The following FOCAD variants were observed in gnomAD, a reference collection of about 807,000 sequenced individuals.
FOCAD encodes the protein KIAA1797.
In FOCAD, 198 loss-of-function variants were observed where a neutral mutation model predicts 225.6. That is an observed-to-expected ratio of 0.88 (90% CI 0.78 to 0.99). FOCAD has a LOEUF of 0.99. Among genes scored for constraint, FOCAD ranks in the 50% least tolerant of loss-of-function variants. The pLI, the probability that FOCAD is intolerant of heterozygous loss-of-function variation, is 0.00. For synonymous variants in FOCAD, 897 were observed against 755.0 expected (o/e 1.19, Z -3.08); for missense variants, 2,713 against 2,123.6 (o/e 1.28, Z -5.46).
chr9:20,758,305 A>T (rs1292704208), intron 6 of FOCAD, 114 bp downstream of exon 6: 1 of 633,436 alleles, frequency 1.6e-6, no homozygotes, highest in African/African-American at 1.9e-5. Flanking sequence ...TTTGATCTAT[A>T]ATGTTTTCTC....
chr9:20,863,141 C>CT, intron 16 of FOCAD: 1 of 152,796 alleles, frequency 6.5e-6, no homozygotes, highest in East Asian at 1.9e-4. Context: ...GTGGAAGATT[C>CT]TTTTTTGTAA....
At chr9:20,966,216 A>T (rs1366502648) in intron 35 of FOCAD, among the ~76,000 whole-genome samples, 1 of 152,034 alleles carries the variant, frequency 6.6e-6, no homozygotes, top group Non-Finnish European at 1.5e-5. Context: ...TATTATTATC[A>T]TTGCCAACTA....
intron 18 of FOCAD, among the ~76,000 whole-genome samples, chr9:20,868,380 A>G (rs999719611): frequency 2.0e-5 from 3 of 152,220 alleles, no homozygotes; most frequent in African/African-American, 7.2e-5. Flanking sequence ...TAACTCCAGC[A>G]TACTCTTGAC....
At chr9:20,660,026 G>A (rs760747265) in intron 2 of FOCAD, among the ~76,000 whole-genome samples, 1 of 152,236 alleles carries the variant, frequency 6.6e-6, no homozygotes, top group African/African-American at 2.4e-5. Context: ...AATATAGGAA[G>A]ATAATTCAGT....
intron 1 of FOCAD, among the ~76,000 whole-genome samples, chr9:20,691,010 T>G (rs1391043427): frequency 2.0e-5 from 3 of 152,002 alleles, no homozygotes; most frequent in African/African-American, 7.3e-5. Flanking sequence ...TGGCGTGACC[T>G]CGGCTCACTG....
intron 29 of FOCAD, among the ~76,000 whole-genome samples, chr9:20,945,984 C>G (rs1837133957): frequency 6.6e-6 from 1 of 152,170 alleles, no homozygotes; most frequent in African/African-American, 2.4e-5. Flanking sequence ...GATTGGGTGA[C>G]TTGCCCAAAG....
chr9:20,921,026 G>A (rs10757157), intron 24 of FOCAD, among the ~76,000 whole-genome samples: 49,913 of 150,582 alleles, frequency 0.33, 8,437 homozygotes, highest in East Asian at 0.47. Flanking sequence ...AAAAAAAGTC[G>A]AGTCAATAAA....
At chr9:20,676,203 A>T (rs1163364878) in intron 2 of FOCAD, among the ~76,000 whole-genome samples, 1 of 152,210 alleles carries the variant, frequency 6.6e-6, no homozygotes, top group East Asian at 1.9e-4. Context: ...TGTGTTTCTG[A>T]CCCAGAAGTT....
intron 35 of FOCAD, 131 bp downstream of exon 35, chr9:20,953,196 A>G (rs1414615930): frequency 3.0e-6 from 2 of 675,150 alleles, no homozygotes; most frequent in East Asian, 2.8e-5. Flanking sequence ...TCGTCTGCTA[A>G]ACCATCTTTG....
intron 5 of FOCAD, among the ~76,000 whole-genome samples, chr9:20,741,127 T>G (rs1003312634): frequency 1.6e-4 from 24 of 152,190 alleles, no homozygotes; most frequent in African/African-American, 5.5e-4. Context: ...TTGATTCATG[T>G]GGGGAAGATG....
intron 37 of FOCAD, among the ~76,000 whole-genome samples, chr9:20,980,989 G>T (rs1040795123): frequency 1.3e-5 from 2 of 152,152 alleles, no homozygotes; most frequent in South Asian, 2.1e-4. Flanking sequence ...CTCAGAAGAA[G>T]AAATTAATAG....
At chr9:20,888,486 A>AAT in intron 21 of FOCAD, among the ~76,000 whole-genome samples, 1 of 152,210 alleles carries the variant, frequency 6.6e-6, no homozygotes, top group East Asian at 1.9e-4. Flanking sequence ...ATTTTGAAGA[A>AAT]TTTCAACTTA....
chr9:20,921,535 A>T (rs1834433562), intron 24 of FOCAD, among the ~76,000 whole-genome samples: 1 of 152,174 alleles, frequency 6.6e-6, no homozygotes, highest in African/African-American at 2.4e-5. Context: ...TTCTATCCAT[A>T]AGTCATTGTG....
At chr9:20,860,813 A>G (rs1247734437) in intron 15 of FOCAD, among the ~76,000 whole-genome samples, 3 of 152,136 alleles carry the variant, frequency 2.0e-5, no homozygotes, top group Non-Finnish European at 4.4e-5. Context: ...GCCAGGCCCA[A>G]ATGAATCTTT....
Position 20,770,210 on chromosome 9 carries a change from T to C in FOCAD, c.878T>C (p.Leu293Ser). ...GAATGTTCATCTTCAATTCACCTTT[T>C]AGAGCACAGTGTTGAACTTCTGAAG... ...TGECSSSIHL[L>S]EHSVELLKED... is the part of the protein sequence containing the mutation. The change falls in exon 8 of 44, where the codon TTA becomes TCA. Residue 293 changes from leucine (L) to serine (S), a missense_variant. By Grantham distance (145) the Leu-to-Ser change is moderately radical. Transcript: ENST00000338382. 1 of 1,614,046 alleles carries C rather than the reference T, an allele frequency of 6.2e-7. No individual in the cohort carries two copies.
chr9:20,747,636 G>A (rs1828162510), intron 5 of FOCAD, among the ~76,000 whole-genome samples: 2 of 152,026 alleles, frequency 1.3e-5, no homozygotes, highest in African/African-American at 4.8e-5. Flanking sequence ...ACTACTATTT[G>A]TGTCTTTGGA....
chr9:20,756,777 A>G (rs927949806), intron 5 of FOCAD, among the ~76,000 whole-genome samples: 2 of 152,232 alleles, frequency 1.3e-5, no homozygotes, highest in Non-Finnish European at 2.9e-5. Context: ...TTAAAAAATC[A>G]TCTGAGTGTA....
At chr9:20,946,611 G>A in intron 29 of FOCAD, 90 bp from the exon 30 acceptor site, 2 of 1,398,480 alleles carry the variant, frequency 1.4e-6, no homozygotes, top group East Asian at 2.4e-5. Context: ...TTACTCTGGG[G>A]GGGAGTTTGA....
chr9:20,851,727 A>C (rs902964153), intron 15 of FOCAD, among the ~76,000 whole-genome samples: 12 of 151,862 alleles, frequency 7.9e-5, no homozygotes, highest in African/African-American at 2.9e-4. Flanking sequence ...TGTACATTAA[A>C]GTTAAAGAAG....
Sources: gnomAD v4.1 joint callset for allele counts (sites outside exome capture counted in the v4.1 genomes callset) on GRCh38, gnomAD v4.1.1 for gene constraint, MANE v1.5 for transcripts, NCBI Gene and HGNC (gene_info 2026-07-23, HGNC 2026-07-21) for gene names.